GRAMD1C: variants seen among roughly 807,000 people sequenced by gnomAD.
GRAMD1C encodes protein Aster-C.
A neutral mutation model predicts 97.8 loss-of-function variants in GRAMD1C; 89 were observed. The observed-to-expected ratio is 0.91, with a 90% CI of 0.77 to 1.09. The LOEUF (loss-of-function observed/expected upper bound fraction) is 1.09. GRAMD1C is among the 50% of genes least tolerant of loss of function. GRAMD1C has a pLI of 0.00. For missense variants in GRAMD1C, 740 were observed against 766.4 expected, an observed-to-expected ratio of 0.97 and a Z score of 0.41; for synonymous variants, 256 against 267.0, an observed-to-expected ratio of 0.96 and a Z score of 0.40.
At chr3:113,838,575 CAAA>C (rs35846590), upstream of GRAMD1C, 720 of 175,456 alleles carry the variant, frequency 4.1e-3, no homozygotes, top group Middle Eastern at 7.2e-3. Flanking sequence ...AACTCCGTCT[CAAA>C]AAAAAAAAAA....
chr3:113,843,782 A>G (rs993131169), intron 1 of GRAMD1C, among the ~76,000 whole-genome samples: 1 of 151,772 alleles, frequency 6.6e-6, no homozygotes, highest in African/African-American at 2.4e-5. Flanking sequence ...GTTTGTTTAA[A>G]CTCCATTGTT....
intron 15 of GRAMD1C, chr3:113,939,328 G>A (rs1278660412): frequency 6.6e-6 from 1 of 151,742 alleles, no homozygotes; most frequent in Non-Finnish European, 1.5e-5. Flanking sequence ...CACCATTAAT[G>A]TATATTTGGG....
At chr3:113,916,294 G>A (rs1304857103) in intron 10 of GRAMD1C, among the ~76,000 whole-genome samples, 1 of 152,114 alleles carries the variant, frequency 6.6e-6, no homozygotes, top group African/African-American at 2.4e-5. Flanking sequence ...TCTGAATGAC[G>A]TACTACAGTG....
At chr3:113,896,296 G>C (rs1935943966) in intron 6 of GRAMD1C, among the ~76,000 whole-genome samples, 1 of 152,058 alleles carries the variant, frequency 6.6e-6, no homozygotes, top group South Asian at 2.1e-4. Context: ...TTCTTCCCTT[G>C]CCTTTCATGA....
At chr3:113,887,087 T>TTTTG (rs1935527231) in intron 6 of GRAMD1C, among the ~76,000 whole-genome samples, 1 of 95,774 alleles carries the variant, frequency 1.0e-5, no homozygotes, top group Non-Finnish European at 2.2e-5. Flanking sequence ...GCCTTTTTGT[T>TTTTG]TTTTTTTTGT....
intron 2 of GRAMD1C, among the ~76,000 whole-genome samples, chr3:113,867,739 G>A (rs2107366182): frequency 6.6e-6 from 1 of 152,200 alleles, no homozygotes; most frequent in South Asian, 2.1e-4. Flanking sequence ...CTTCTTTGTT[G>A]TTCAGCAGTT....
chr3:113,906,062 T>C (rs1266707237), intron 8 of GRAMD1C, among the ~76,000 whole-genome samples: 1 of 152,182 alleles, frequency 6.6e-6, no homozygotes, highest in Non-Finnish European at 1.5e-5. Flanking sequence ...CATAACATGG[T>C]AATGCAATAC....
At chr3:113,885,982 A>G in intron 6 of GRAMD1C, 3 of 1,456,064 alleles carry the variant, frequency 2.1e-6, no homozygotes, top group African/African-American at 1.5e-5. Context: ...TTCACCGCTG[A>G]CGTTCATTCT....
intron 17 of GRAMD1C, among the ~76,000 whole-genome samples, chr3:113,940,789 C>T (rs1220001809): frequency 6.6e-6 from 1 of 152,156 alleles, no homozygotes; most frequent in Non-Finnish European, 1.5e-5. Context: ...ATAAAGCAAA[C>T]CCCCTTAACA....
At chr3:113,935,487 A>AATAT (rs10554842) in intron 13 of GRAMD1C, among the ~76,000 whole-genome samples, 12 of 150,084 alleles carry the variant, frequency 8.0e-5, no homozygotes, top group East Asian at 7.8e-4. Flanking sequence ...ACATGCGAGA[A>AATAT]ATATATATAT....
intron 1 of GRAMD1C, among the ~76,000 whole-genome samples, chr3:113,839,956 A>C (rs1458405312): frequency 6.6e-6 from 1 of 151,962 alleles, no homozygotes; most frequent in Non-Finnish European, 1.5e-5. Flanking sequence ...TGATGATGCC[A>C]CACACACACC....
chr3:113,915,513 A>G (rs78035218), intron 9 of GRAMD1C, among the ~76,000 whole-genome samples, 188 bp from the exon 10 acceptor site: 3,453 of 152,324 alleles, frequency 0.023, 87 homozygotes, highest in East Asian at 0.12. Context: ...TATAGGTCAT[A>G]CATATGTATA....
chr3:113,849,839 G>C (rs1261838687), intron 2 of GRAMD1C, among the ~76,000 whole-genome samples: 1 of 152,172 alleles, frequency 6.6e-6, no homozygotes, highest in Non-Finnish European at 1.5e-5. Context: ...TGGCCTGGCA[G>C]AGGGGCTCCT....
chr3:113,887,035 C>T (rs910268292), intron 6 of GRAMD1C, among the ~76,000 whole-genome samples: 18 of 150,090 alleles, frequency 1.2e-4, no homozygotes, highest in Non-Finnish European at 2.2e-4. Flanking sequence ...CTGCCTTGGC[C>T]TCCCAAAGTG....
At chr3:113,896,256 C>T (rs1935941345) in intron 6 of GRAMD1C, among the ~76,000 whole-genome samples, 1 of 152,140 alleles carries the variant, frequency 6.6e-6, no homozygotes, top group African/African-American at 2.4e-5. Flanking sequence ...CGTTAGATAC[C>T]ACTGTATACT....
upstream of GRAMD1C, among the ~76,000 whole-genome samples, chr3:113,836,560 AG>A (rs201003093): frequency 1.1e-3 from 163 of 151,814 alleles, 1 homozygote; most frequent in East Asian, 0.026. Context: ...CATGGATAAC[AG>A]GGAACTCCTA....
chr3:113,940,100 C>G, intron 16 of GRAMD1C, 104 bp downstream of exon 16: 1 of 860,372 alleles, frequency 1.2e-6, no homozygotes. Context: ...TGCTAACTAT[C>G]CTGTAGCCAT....
intron 6 of GRAMD1C, among the ~76,000 whole-genome samples, chr3:113,891,669 C>A (rs1331614691): frequency 6.6e-6 from 1 of 151,204 alleles, no homozygotes; most frequent in Non-Finnish European, 1.5e-5. Flanking sequence ...TTGCTTGAGA[C>A]CAGTTCAAGA....
At chr3:113,842,164 A>G (rs1366391626) in intron 1 of GRAMD1C, among the ~76,000 whole-genome samples, 1 of 152,228 alleles carries the variant, frequency 6.6e-6, no homozygotes, top group Non-Finnish European at 1.5e-5. Context: ...TGATGGTTAA[A>G]GTGAGGCATA....
Sources: gnomAD v4.1 joint callset for allele counts (sites outside exome capture counted in the v4.1 genomes callset) on GRCh38, gnomAD v4.1.1 for gene constraint, MANE v1.5 for transcripts, NCBI Gene and HGNC (gene_info 2026-07-23, HGNC 2026-07-21) for gene names.